SHANK1: variants seen among roughly 807,000 people sequenced by gnomAD.
SHANK1 encodes SH3 and multiple ankyrin repeat domains 1.
In SHANK1, 35 loss-of-function variants were observed where a neutral mutation model predicts 165.6. The observed-to-expected ratio is 0.21, with a 90% CI of 0.16 to 0.28. The LOEUF (loss-of-function observed/expected upper bound fraction) is 0.28, where lower values mean the gene tolerates loss of function less well. Among genes scored for constraint, SHANK1 ranks in the 10% least tolerant of loss-of-function variants. The pLI is 1.00. For missense variants in SHANK1, 2,681 were observed against 3,036.4 expected (o/e 0.88, Z 2.75); for synonymous variants, 1,428 against 1,384.8 (o/e 1.03, Z -0.69).
chr19:50,695,234 CG>C (rs1306965856), intron 15 of SHANK1, among the ~76,000 whole-genome samples: 1 of 134,120 alleles, frequency 7.5e-6, no homozygotes, highest in Non-Finnish European at 1.6e-5. Flanking sequence ...AGGGCAGGGC[CG>C]GGGGCTCACA....
rs751102790 is a variant in SHANK1, at chr19:50,689,204, C to G, written c.2040G>C (p.Gly680=). 6.2e-6 allele frequency: 10 copies of G among 1,611,410 alleles called. No individual in the cohort carries two copies. The South Asian group carries it at 9.9e-5, about 16-fold the overall frequency. Residue 680 remains glycine, a synonymous_variant, in exon 16 of 24, where the codon GGG becomes GGC. Transcript: ENST00000293441. ...DSEGFGFVLR[G]AKAQTPIEEF... ...TCCCCGGCTGGCACTCACCCTTGGC[C>G]CCCCGGAGCACGAACCCAAACCCCT...
Position 50,716,532 on chromosome 19 carries a change from G to C in SHANK1, c.256-54C>G. The C allele has an allele frequency of 6.3e-7, 1 of 1,599,118 alleles. No individual in the cohort carries two copies. Among genetic ancestry groups the C allele is most frequent in the Non-Finnish European group, 8.5e-7 (1 of 1,169,842 alleles). ...TGGGCCAGGGGCCAGAGGAGAGCCT[G>C]AGGTGGGTTGGGAAGTGAGCCAGGA... On this transcript the variant is annotated intron_variant, in intron 2 of 23. Transcript: ENST00000293441. The surrounding 1 kb of genome is among the most constrained non-coding windows in gnomAD (Gnocchi z 8.4).
chr19:50,687,544 C>CT, intron 19 of SHANK1, 38 bp downstream of exon 19: 1 of 1,509,394 alleles, frequency 6.6e-7, no homozygotes, highest in South Asian at 1.2e-5. Context: ...TTCCCCTCTC[C>CT]CCCCGGCCCC....
intron 8 of SHANK1, 86 bp from the exon 9 acceptor site, chr19:50,704,600 G>A: frequency 8.2e-7 from 1 of 1,216,300 alleles, no homozygotes; most frequent in Non-Finnish European, 1.2e-6. Context: ...TGTGCTAAGA[G>A]CCTCAGGAAT....
chr19:50,685,332 C>T (rs1349646939), intron 21 of SHANK1, among the ~76,000 whole-genome samples: 1 of 152,174 alleles, frequency 6.6e-6, no homozygotes, highest in East Asian at 1.9e-4. Context: ...GGGTTAAAAT[C>T]CCCCCTCCTT....
At position 50,670,611 on chromosome 19, in the gene SHANK1, G is replaced by A. The variant is rs1985753236; in HGVS notation, c.2675-1326C>T. On this transcript the variant is annotated intron_variant, in intron 22 of 23. Transcript: ENST00000293441. The surrounding 1 kb of genome is among the most constrained non-coding windows in gnomAD (Gnocchi z 4.1). ...CCAGACCCTGCAGGATCGGGACCCT[G>A]TCCCCCCACTGCCCTCATGTCCAGT... Among the ~76,000 whole-genome samples the A allele has an allele frequency of 6.6e-6, 1 of 151,706 alleles. No homozygotes were observed. Among genetic ancestry groups the A allele is most frequent in the Admixed American group, 6.6e-5 (1 of 15,116 alleles).
At chr19:50,695,881 G>A (rs1986722987) in intron 15 of SHANK1, among the ~76,000 whole-genome samples, 1 of 152,300 alleles carries the variant, frequency 6.6e-6, no homozygotes, top group African/African-American at 2.4e-5. Context: ...CCAGCGCGGG[G>A]AGGGGGCGGC....
chr19:50,677,895 C>A (rs1318012687), intron 21 of SHANK1, among the ~76,000 whole-genome samples: 1 of 152,182 alleles, frequency 6.6e-6, no homozygotes, highest in East Asian at 1.9e-4. Context: ...GTTTTTCTGA[C>A]CCCCTCCCCC....
At position 50,717,254 on chromosome 19, in the gene SHANK1, G is replaced by A. The variant is rs62112532; in HGVS notation, c.-43-292C>T. 8.1e-4 allele frequency among the ~76,000 whole-genome samples: 123 copies of A among 152,336 alleles called. No individual in the cohort carries two copies. The highest frequency in any genetic ancestry group is 6.8e-3 in the Middle Eastern group (2 of 294). On this transcript the variant is annotated intron_variant, in intron 1 of 23. Transcript: ENST00000293441. The surrounding 1 kb of genome is among the most constrained non-coding windows in gnomAD (Gnocchi z 5.5). Reference sequence around the variant, plus strand: ...ACTTTGCTGGTGACCCAGCGTGGCCGTGTCCCAGAAACCGCAGAATCACCG... The same window carrying A: ...ACTTTGCTGGTGACCCAGCGTGGCCATGTCCCAGAAACCGCAGAATCACCG...
intron 8 of SHANK1, among the ~76,000 whole-genome samples, chr19:50,705,986 G>A (rs1234461825): frequency 6.6e-6 from 1 of 152,086 alleles, no homozygotes; most frequent in Non-Finnish European, 1.5e-5. Flanking sequence ...GCGAAACCCC[G>A]TCTGTACAGA....
rs370961728 is a variant in SHANK1 at position 50,712,113 on chromosome 19, G to A, written c.794C>T (p.Ala265Val). Residue 265 changes from alanine (A) to valine (V), a missense_variant and splice_region_variant, in exon 7 of 24, where the codon GCG becomes GTG. Physicochemically the swap from Ala to Val is moderately conservative, Grantham distance 64 (BLOSUM62 0). This residue lies in a region of SHANK1 where 189 missense variants were observed against 440.9 expected (regional missense o/e 0.43). Coordinates refer to ENST00000293441, the MANE Select transcript of SHANK1 (RefSeq NM_016148.5). Reference sequence around the variant, plus strand: ...GGGGGAACCCCCAAGGTCCAGGAGCGCCTAGGAACGGAGAGAGAACCCAGT... The same window carrying A: ...GGGGGAACCCCCAAGGTCCAGGAGCACCTAGGAACGGAGAGAGAACCCAGT... Reference protein sequence around the residue: ...ACARHCLALTALLDLGGSPNY... With the variant: ...ACARHCLALTVLLDLGGSPNY... The A allele has an allele frequency of 1.4e-5, 22 of 1,581,018 alleles. No homozygotes were observed. In the South Asian group the frequency reaches 1.4e-4, roughly 10 times the overall value.
chr19:50,687,464 G>A, intron 19 of SHANK1, 118 bp downstream of exon 19: 1 of 747,674 alleles, frequency 1.3e-6, no homozygotes, highest in Non-Finnish European at 2.1e-6. Context: ...CATGGACTGG[G>A]GACAGGATGA....
rs36023521 is a variant in SHANK1, at chr19:50,711,182, T to TTGGATGGATGGA, written c.1077+177_1077+188dup. The TTGGATGGATGGA allele has an allele frequency of 4.4e-3, 2,484 of 558,270 alleles. 37 individuals are homozygous for TTGGATGGATGGA. Among genetic ancestry groups the TTGGATGGATGGA allele is most frequent in the South Asian group, 0.03 (1,406 of 46,646 alleles). The allele number at this position is 558,270 out of a possible 1,614,324, so 34.6% of individuals were successfully genotyped here. On this transcript the variant is annotated intron_variant, in intron 8 of 23. Coordinates refer to ENST00000293441, the MANE Select transcript of SHANK1 (RefSeq NM_016148.5). ...TACAGAGGAGCTCAGTAAATATCTG[T>TTGGATGGATGGA]TGGATGGATGGATGGATGGATGGAT...
Position 50,666,259 on chromosome 19 carries a change from C to T in SHANK1, c.5701G>A (p.Gly1901Ser), listed in dbSNP as rs567195198. ...LPWARGGSGGGGDSHHGGASY... is the reference protein window; with the variant it reads ...LPWARGGSGGSGDSHHGGASY... ...GCTCCCCCGTGGTGGCTGTCTCCGC[C>T]TCCCCCACTGCCTCCTCGGGCCCAG... The change falls in exon 23 of 24, where the codon GGC (glycine) becomes AGC (serine). Residue 1901 changes from glycine to serine, a missense_variant. Gly to Ser is a moderately conservative substitution (Grantham distance 56). Around this residue, in one of 10 missense-constraint regions of SHANK1, gnomAD observed 1,713 missense variants for 1,630.2 expected, o/e 1.05. Coordinates refer to ENST00000293441, the MANE Select transcript of SHANK1 (RefSeq NM_016148.5). The T allele has an allele frequency of 4.3e-6, 7 of 1,610,716 alleles. No homozygotes were observed. The highest frequency in any genetic ancestry group is 5.9e-6 in the Non-Finnish European group (7 of 1,178,992).
intron 22 of SHANK1, 103 bp downstream of exon 22, chr19:50,671,915 T>C: frequency 2.4e-6 from 2 of 844,754 alleles, no homozygotes. Context: ...GAAACTATGG[T>C]CTCTCTGGGA....
At position 50,666,409 on chromosome 19, in the gene SHANK1, G is replaced by C. The variant is rs1246648546; in HGVS notation, c.5551C>G (p.Leu1851Val). The change falls in exon 23 of 24, where the codon CTG becomes GTG. Residue 1851 changes from leucine to valine, a missense_variant. Leu to Val is a conservative substitution (Grantham distance 32). This residue lies in a region of SHANK1 where 1,713 missense variants were observed against 1,630.2 expected (regional missense o/e 1.05). Transcript: ENST00000293441. ...EEGPGPPPPP[L>V]PGPLAQPQAS... is the part of the protein sequence containing the mutation. ...TGAGGCTGGGCCAAGGGCCCGGGCA[G>C]AGGTGGTGGCGGTGGGCCCGGGCCC... 1 of 1,612,580 alleles carries C rather than the reference G, an allele frequency of 6.2e-7. No individual in the cohort carries two copies.
At chr19:50,711,164 GAGC>G in intron 8 of SHANK1, 1 of 571,308 alleles carries the variant, frequency 1.8e-6, no homozygotes, top group Non-Finnish European at 3.1e-6. Context: ...TGATACAGAG[GAGC>G]TCAGTAAATA....
chr19:50,668,480 G>A lies in SHANK1; in HGVS notation c.3480C>T (p.Ile1160=), dbSNP rs201730870. ...CGCTGCTACTGGTGGACGGGGCCTTGATGATGATGGTGGGGATGGGGATGG... is the reference window on the plus strand; with the variant it reads ...CGCTGCTACTGGTGGACGGGGCCTTAATGATGATGGTGGGGATGGGGATGG... The part of the protein sequence containing the change: ...KNSIPIPTII[I]KAPSTSSSGR... Residue 1160 remains isoleucine, a synonymous_variant, in exon 23 of 24, where the codon ATC becomes ATT. Transcript: ENST00000293441. The A allele has an allele frequency of 1.7e-5, 23 of 1,344,048 alleles. No individual in the cohort carries two copies. The highest frequency in any genetic ancestry group is 2.2e-5 in the Non-Finnish European group (23 of 1,046,996). 83.3% of individuals were successfully genotyped at this position (1,344,048 alleles called of 1,614,324 possible).
chr19:50,710,525 C>T (rs1490533516), intron 8 of SHANK1, among the ~76,000 whole-genome samples: 1 of 152,208 alleles, frequency 6.6e-6, no homozygotes, highest in Non-Finnish European at 1.5e-5. Context: ...TCATCTGCAG[C>T]TCAGGTGGCT....
Sources: gnomAD v4.1 joint callset for allele counts (sites outside exome capture counted in the v4.1 genomes callset) on GRCh38, gnomAD v4.1.1 for gene constraint, gnomAD v4.1.1 regional missense constraint, Gnocchi (gnomAD v3.1) non-coding constraint, MANE v1.5 for transcripts, NCBI Gene and HGNC (gene_info 2026-07-23, HGNC 2026-07-21) for gene names.